LRRTM4: variants seen among roughly 807,000 people sequenced by gnomAD.
The protein encoded by LRRTM4 is leucine rich repeat transmembrane neuronal 4.
In LRRTM4, 25 loss-of-function variants were observed where a neutral mutation model predicts 47.6. The ratio of observed to expected loss-of-function variants is 0.53; its 90% CI spans 0.38 to 0.73. The LOEUF (loss-of-function observed/expected upper bound fraction) is 0.73. LRRTM4 is among the 30% of genes least tolerant of loss of function. The probability of loss-of-function intolerance (pLI) is 0.00; values close to 1 mark genes in which losing one functional copy is unlikely to be tolerated. For synonymous variants in LRRTM4, 311 were observed against 269.5 expected (o/e 1.15, Z -1.51); for missense variants, 638 against 713.4 (o/e 0.89, Z 1.20).
rs1031575172 is a variant in LRRTM4 at position 77,021,862 on chromosome 2, A to C, written c.1552-272946T>G. Among the ~76,000 whole-genome samples the C allele has an allele frequency of 2.0e-5, 3 of 152,226 alleles. 1 individual carries two copies. Among genetic ancestry groups the C allele is most frequent in the African/African-American group, 7.2e-5 (3 of 41,464 alleles). ...GATTTCATATACACATACATTGTTT[A>C]ATGATTGCCACACCCAAATTAATTA... On this transcript the variant is annotated intron_variant, in intron 3 of 3. Coordinates refer to ENST00000409884, the MANE Select transcript of LRRTM4 (RefSeq NM_001134745.3).
chr2:77,383,355 T>C (rs2103796998), intron 3 of LRRTM4, among the ~76,000 whole-genome samples: 1 of 152,150 alleles, frequency 6.6e-6, no homozygotes, highest in East Asian at 1.9e-4. Flanking sequence ...TCTGTGTTCT[T>C]TGTACAATTG....
chr2:76,928,736 A>C (rs770923325), intron 3 of LRRTM4, among the ~76,000 whole-genome samples: 7 of 152,182 alleles, frequency 4.6e-5, no homozygotes, highest in Non-Finnish European at 8.8e-5. Flanking sequence ...ACTTTTAATC[A>C]GTTCATGATA....
At chr2:76,848,080 T>G (rs908898617) in intron 3 of LRRTM4, among the ~76,000 whole-genome samples, 1 of 152,088 alleles carries the variant, frequency 6.6e-6, no homozygotes, top group African/African-American at 2.4e-5. Flanking sequence ...ATTCTTTCCT[T>G]TTTTCTCAAA....
At chr2:76,889,213 C>T (rs1267678278) in intron 3 of LRRTM4, among the ~76,000 whole-genome samples, 2 of 151,764 alleles carry the variant, frequency 1.3e-5, no homozygotes, top group Admixed American at 1.3e-4. Context: ...ATCTTGATCG[C>T]CATTTTACTC....
At chr2:76,903,648 A>G (rs1673721598) in intron 3 of LRRTM4, among the ~76,000 whole-genome samples, 1 of 152,240 alleles carries the variant, frequency 6.6e-6, no homozygotes, top group African/African-American at 2.4e-5. Context: ...ATCTAGAGAA[A>G]TTAGGACTTT....
intron 3 of LRRTM4, among the ~76,000 whole-genome samples, chr2:76,828,047 C>A (rs531168014): frequency 6.6e-6 from 1 of 151,874 alleles, no homozygotes; most frequent in East Asian, 1.9e-4. Context: ...TATTGCTTAG[C>A]GTAAGTGTTT....
chr2:77,018,670 C>G (rs115213319), intron 3 of LRRTM4, among the ~76,000 whole-genome samples: 7 of 152,072 alleles, frequency 4.6e-5, no homozygotes, highest in African/African-American at 1.7e-4. Context: ...TTTTGAATTA[C>G]TAATAGTTCA....
chr2:77,166,975 G>C (rs1298566759), intron 3 of LRRTM4, among the ~76,000 whole-genome samples: 1 of 152,024 alleles, frequency 6.6e-6, no homozygotes, highest in Non-Finnish European at 1.5e-5. Context: ...TTAAACTAAA[G>C]AGCTTCTACA....
At chr2:77,498,307 A>C (rs1402821840) in intron 3 of LRRTM4, among the ~76,000 whole-genome samples, 1 of 151,744 alleles carries the variant, frequency 6.6e-6, no homozygotes, top group Non-Finnish European at 1.5e-5. Context: ...TCATCTAAAA[A>C]ACTGTCTTTT....
At chr2:77,140,882 C>T (rs2103760347) in intron 3 of LRRTM4, among the ~76,000 whole-genome samples, 1 of 152,286 alleles carries the variant, frequency 6.6e-6, no homozygotes, top group South Asian at 2.1e-4. Flanking sequence ...TGCTCATCAT[C>T]ACTGGCCATC....
At chr2:77,472,408 G>T (rs1456754019) in intron 3 of LRRTM4, among the ~76,000 whole-genome samples, 1 of 152,076 alleles carries the variant, frequency 6.6e-6, no homozygotes, top group Non-Finnish European at 1.5e-5. Flanking sequence ...AGGCTCACAG[G>T]AACGTACCCT....
Position 76,968,361 on chromosome 2 carries a change from T to C in LRRTM4, c.1552-219445A>G, listed in dbSNP as rs1159238467. Among the ~76,000 whole-genome samples, 462 of 121,290 alleles carry C rather than the reference T, an allele frequency of 3.8e-3. 16 individuals are homozygous for C. The highest frequency in any genetic ancestry group is 5.9e-3 in the Non-Finnish European group (325 of 55,082). 79.6% of individuals were successfully genotyped at this position (121,290 alleles called of 152,430 possible). ...GTGTGTATATATATATATATATATA[T>C]ATATATATATATATATATATATACA... On this transcript the variant is annotated intron_variant, in intron 3 of 3. Transcript: ENST00000409884.
At chr2:76,916,732 C>T (rs1674265410) in intron 3 of LRRTM4, among the ~76,000 whole-genome samples, 1 of 152,102 alleles carries the variant, frequency 6.6e-6, no homozygotes, top group East Asian at 1.9e-4. Context: ...ATATTGTGAC[C>T]TAAAATTTTA....
chr2:77,095,219 A>T (rs149703770), intron 3 of LRRTM4, among the ~76,000 whole-genome samples: 1 of 152,346 alleles, frequency 6.6e-6, no homozygotes, highest in South Asian at 2.1e-4. Flanking sequence ...CTCATTAGTG[A>T]CAAAGTTAGA....
chr2:77,295,427 C>T (rs966014851), intron 3 of LRRTM4, among the ~76,000 whole-genome samples: 1 of 152,104 alleles, frequency 6.6e-6, no homozygotes, highest in African/African-American at 2.4e-5. Context: ...TTACGTTTGT[C>T]ACCACGTTTA....
chr2:77,426,116 A>G (rs1223956957), intron 3 of LRRTM4, among the ~76,000 whole-genome samples: 1 of 135,092 alleles, frequency 7.4e-6, no homozygotes, highest in African/African-American at 2.8e-5. Context: ...AGACACCGTC[A>G]AAAAAAAAAA....
chr2:77,401,951 T>A (rs1006738650), intron 3 of LRRTM4, among the ~76,000 whole-genome samples: 7 of 152,002 alleles, frequency 4.6e-5, no homozygotes, highest in African/African-American at 1.7e-4. Context: ...AACGACTATT[T>A]TAGAACGCTT....
In LRRTM4 at chr2:76,748,666, A is replaced by AGCT; in HGVS notation, c.*26_*28dup. The AGCT allele has an allele frequency of 1.2e-6, 1 of 844,192 alleles. No individual in the cohort carries two copies. Among genetic ancestry groups the AGCT allele is most frequent in the East Asian group, 3.0e-5 (1 of 32,794 alleles). 52.3% of individuals were successfully genotyped at this position (844,192 alleles called of 1,614,324 possible). On this transcript the variant is annotated 3_prime_UTR_variant, in exon 4 of 4. Coordinates refer to ENST00000409884, the MANE Select transcript of LRRTM4 (RefSeq NM_001134745.3). ...TGAAGGCCCTCCCTCCCCCCCATGG[A>AGCT]GCTCCCCAGTGAGGAGTTGGCTTCA...
intron 3 of LRRTM4, among the ~76,000 whole-genome samples, chr2:77,182,316 C>A (rs1673370542): frequency 6.6e-6 from 1 of 151,992 alleles, no homozygotes; most frequent in Non-Finnish European, 1.5e-5. Flanking sequence ...CAAACTAAGA[C>A]AGGAACAGAA....
Sources: allele counts gnomAD v4.1 joint callset (sites outside exome capture counted in the v4.1 genomes callset), GRCh38; gene constraint gnomAD v4.1.1; transcripts MANE v1.5; gene names NCBI Gene and HGNC (gene_info 2026-07-23, HGNC 2026-07-21).